VPS4A: variants seen among roughly 807,000 people sequenced by gnomAD.
The protein encoded by VPS4A is vacuolar protein sorting 4 homolog A, also known as vacuolar protein sorting-associated protein 4A.
Under a neutral mutation model 52.3 loss-of-function variants are expected in VPS4A, and 20 were observed. That is an observed-to-expected ratio of 0.38 (90% CI 0.27 to 0.56). VPS4A has a LOEUF of 0.56. Ranked by LOEUF, VPS4A falls within the 20% of genes least tolerant of loss-of-function variation. The probability of loss-of-function intolerance (pLI) is 0.72; values close to 1 mark genes in which losing one functional copy is unlikely to be tolerated. For synonymous variants in VPS4A, 293 were observed against 227.7 expected (o/e 1.29, Z -2.58); for missense variants, 419 against 575.9 (o/e 0.73, Z 2.79).
In VPS4A at chr16:69,320,385, C is replaced by T. The variant is rs114096055; in HGVS notation, c.769+96C>T. 3.9e-6 allele frequency: 6 copies of T among 1,528,570 alleles called. No homozygotes were observed. Among genetic ancestry groups the T allele is most frequent in the South Asian group, 1.2e-5 (1 of 80,366 alleles). The allele number at this position is 1,528,570 out of a possible 1,614,324, so 94.7% of individuals were successfully genotyped here. ...TGCGGCTGGATTTGGTTGTTCTCAGCCTCGGAGAGGCACTCCCCAGCTCCA... is the reference window on the plus strand; with the variant it reads ...TGCGGCTGGATTTGGTTGTTCTCAGTCTCGGAGAGGCACTCCCCAGCTCCA... On this transcript the variant is annotated intron_variant, in intron 7 of 10. Coordinates refer to ENST00000254950, the MANE Select transcript of VPS4A (RefSeq NM_013245.3). This position sits in a 1 kb window ranked among gnomAD's most constrained non-coding sequence, Gnocchi z 4.2.
intron 3 of VPS4A, among the ~76,000 whole-genome samples, chr16:69,318,357 G>T (rs113641354): frequency 1.3e-5 from 2 of 152,298 alleles, no homozygotes; most frequent in African/African-American, 4.8e-5. Context: ...TTTAAGTCCA[G>T]CTGAAGCACA....
rs1015379087 is a variant in VPS4A at position 69,311,353 on chromosome 16, C to T, written c.-159C>T. On this transcript the variant is annotated 5_prime_UTR_variant, in exon 1 of 11. Transcript: ENST00000254950. The stretch of plus-strand genomic sequence containing the variant: ...CTCTGGGCTGCGCTCCTCGCTTGCC[C>T]TCGGACTCGGCTCCCGCTGCGAGCG... 5.1e-4 allele frequency: 394 copies of T among 773,172 alleles called. No homozygotes were observed. The highest frequency in any genetic ancestry group is 6.7e-4 in the Non-Finnish European group (384 of 572,254). The allele number at this position is 773,172 out of a possible 1,614,324, so 47.9% of individuals were successfully genotyped here.
chr16:69,319,484 C>T lies in VPS4A; in HGVS notation c.561C>T (p.Ser187=), dbSNP rs895566649. 3.7e-6 allele frequency: 6 copies of T among 1,614,024 alleles called. No homozygotes were observed. Among genetic ancestry groups the T allele is most frequent in the Non-Finnish European group, 5.1e-6 (6 of 1,179,898 alleles). The change falls in exon 6 of 11, where the codon TCC becomes TCT. Residue 187 remains serine, a synonymous_variant. Coordinates refer to ENST00000254950, the MANE Select transcript of VPS4A (RefSeq NM_013245.3). ...CCGTGGCAACAGAGGCCAACAACTC[C>T]ACCTTCTTCTCTGTGTCCTCCTCAG... ...AKAVATEANN[S]TFFSVSSSDL...
rs567958625 is a variant in VPS4A, at chr16:69,313,175, G to A, written c.21+1643G>A. 1.2e-4 allele frequency among the ~76,000 whole-genome samples: 18 copies of A among 151,778 alleles called. No homozygotes were observed. The South Asian group carries it at 3.7e-3, about 32-fold the overall frequency. On this transcript the variant is annotated intron_variant, in intron 1 of 10. Transcript: ENST00000254950. ...TTTTTGTATTTTTAGTAGAGACGGG[G>A]TTTCACCATGTTGGCCAGGCTGGTT...
Position 69,320,745 on chromosome 16 carries a change from T to C in VPS4A, c.827T>C (p.Val276Ala), listed in dbSNP as rs1965499647. The change falls in exon 8 of 11, where the codon GTG becomes GCG. Residue 276 changes from valine to alanine, a missense_variant. Val to Ala is a moderately conservative substitution (Grantham distance 64). Around this residue, in one of 3 missense-constraint regions of VPS4A, gnomAD observed 103 missense variants for 210.3 expected, o/e 0.49. Coordinates refer to ENST00000254950, the MANE Select transcript of VPS4A (RefSeq NM_013245.3). This position sits in a 1 kb window ranked among gnomAD's most constrained non-coding sequence, Gnocchi z 4.2. ...CTTGGAGCCACAAACATCCCATGGG[T>C]GTTGGATTCGGCCATCAGGAGGAGG... is the stretch of plus-strand genomic sequence containing the variant. ...LVLGATNIPWVLDSAIRRRFE... is the reference protein window; with the variant it reads ...LVLGATNIPWALDSAIRRRFE... The C allele has an allele frequency of 6.2e-7, 1 of 1,608,080 alleles. No homozygotes were observed. The highest frequency in any genetic ancestry group is 8.5e-7 in the Non-Finnish European group (1 of 1,177,440).
At chr16:69,322,920 T>G in intron 10 of VPS4A, 1 of 339,576 alleles carries the variant, frequency 2.9e-6, no homozygotes, top group Non-Finnish European at 5.1e-6. Context: ...ATACAAAAAT[T>G]AGCCGGGTGT....
In VPS4A at chr16:69,326,028, A is replaced by G. The variant is rs985803160; in HGVS notation, c.*1719A>G. On this transcript the variant is annotated 3_prime_UTR_variant, in exon 11 of 11. Coordinates refer to ENST00000254950, the MANE Select transcript of VPS4A (RefSeq NM_013245.3). ...GCAGAGGCTGTCCCACGTTTACCCC[A>G]TGCATATAAACAGACCAAAGTCAAA... The G allele has an allele frequency of 2.0e-5, 3 of 152,336 alleles. No individual in the cohort carries two copies. Among genetic ancestry groups the G allele is most frequent in the Non-Finnish European group, 4.4e-5 (3 of 68,120 alleles). 9.4% of individuals were successfully genotyped at this position (152,336 alleles called of 1,614,324 possible).
intron 5 of VPS4A, 111 bp downstream of exon 5, chr16:69,319,053 G>GGGCCA (rs2143259246): frequency 6.8e-7 from 1 of 1,476,380 alleles, no homozygotes; most frequent in East Asian, 2.3e-5. Context: ...GGCCTGCAGA[G>GGGCCA]GGCCAGGCCT....
rs1167875786 is a variant in VPS4A, at chr16:69,311,822, C to T, written c.21+290C>T. 2.0e-5 allele frequency among the ~76,000 whole-genome samples: 3 copies of T among 152,370 alleles called. No homozygotes were observed. In the South Asian group the frequency reaches 6.2e-4, roughly 32 times the overall value. On this transcript the variant is annotated intron_variant, in intron 1 of 10. Coordinates refer to ENST00000254950, the MANE Select transcript of VPS4A (RefSeq NM_013245.3). ...GTGGGGATCAGCCTCACCCGAGCCG[C>T]ACAGGCACCCTCAGGAAGCTCGGCC...
rs939432132 is a variant in VPS4A, at chr16:69,313,240, C to T, written c.21+1708C>T. Among the ~76,000 whole-genome samples the T allele has an allele frequency of 4.6e-5, 7 of 152,152 alleles. No individual in the cohort carries two copies. The South Asian group carries it at 6.2e-4, about 14-fold the overall frequency. ...TCAAGTGTGATCTGCCCACCTCGGC[C>T]GCCCAAAGTGCTGGGATTACAGATG... On this transcript the variant is annotated intron_variant, in intron 1 of 10. Transcript: ENST00000254950.
chr16:69,311,749 T>C (rs937774382), intron 1 of VPS4A, among the ~76,000 whole-genome samples: 1 of 152,168 alleles, frequency 6.6e-6, no homozygotes, highest in African/African-American at 2.4e-5. Flanking sequence ...CCTGCCCGGC[T>C]GGCCCAGCCC....
In VPS4A at chr16:69,321,603, C is replaced by T. The variant is rs11647864; in HGVS notation, c.1071+333C>T. On this transcript the variant is annotated intron_variant, in intron 9 of 10. Transcript: ENST00000254950. This position sits in a 1 kb window ranked among gnomAD's most constrained non-coding sequence, Gnocchi z 4.5. Reference sequence around the variant, plus strand: ...TTGGAAAGTGTTGGATATAAAATGACCAGGAAGACCTGTCTATTCATTCAG... The same window carrying T: ...TTGGAAAGTGTTGGATATAAAATGATCAGGAAGACCTGTCTATTCATTCAG... 0.055 allele frequency: 18,406 copies of T among 333,018 alleles called. 681 individuals carry two copies. Among genetic ancestry groups the T allele is most frequent in the Non-Finnish European group, 0.071 (12,532 of 175,344 alleles). 20.6% of individuals were successfully genotyped at this position (333,018 alleles called of 1,614,324 possible).
chr16:69,311,573 A>AGCGGGGCCT, intron 1 of VPS4A, 41 bp downstream of exon 1: 2 of 1,273,914 alleles, frequency 1.6e-6, no homozygotes, highest in East Asian at 6.6e-5. Flanking sequence ...GGCCGAAGGC[A>AGCGGGGCCT]GCGGGGCCTG....
rs757962021 is a variant in VPS4A at position 69,316,189 on chromosome 16, A to T, written c.134-36A>T. 6.8e-6 allele frequency: 11 copies of T among 1,612,622 alleles called. No homozygotes were observed. The African/African-American group carries it at 1.5e-4, about 22-fold the overall frequency. The stretch of plus-strand genomic sequence containing the variant: ...AGCGGAGGAGAGGGGGTGGCGCACG[A>T]GCCTCACAGGGGCCCCTCTGTGTTC... On this transcript the variant is annotated intron_variant, in intron 2 of 10. Transcript: ENST00000254950.
intron 1 of VPS4A, among the ~76,000 whole-genome samples, chr16:69,314,130 T>C (rs1026351018): frequency 6.6e-5 from 10 of 151,824 alleles, no homozygotes; most frequent in African/African-American, 2.4e-4. Flanking sequence ...CACACCCGGC[T>C]AACTTTTTGT....
At chr16:69,323,590 C>T (rs1337356283) in intron 10 of VPS4A, 1 of 455,228 alleles carries the variant, frequency 2.2e-6, no homozygotes, top group East Asian at 7.0e-5. Flanking sequence ...GCCTCACCTG[C>T]ATAGCCTGGC....
chr16:69,311,699 C>G (rs576816128), intron 1 of VPS4A, among the ~76,000 whole-genome samples, 167 bp downstream of exon 1: 3 of 152,070 alleles, frequency 2.0e-5, no homozygotes, highest in Non-Finnish European at 4.4e-5. Flanking sequence ...TTTCCACGCG[C>G]TCGGAGCCGG....
chr16:69,319,779 T>A lies in VPS4A; in HGVS notation c.620+236T>A, dbSNP rs78720368. ...AGAGAAGGGAAAGGAAGTGAGGATA[T>A]TTTTGGGGTCTGGGTTGCGGTCCCT... On this transcript the variant is annotated intron_variant, in intron 6 of 10. Coordinates refer to ENST00000254950, the MANE Select transcript of VPS4A (RefSeq NM_013245.3). Among the ~76,000 whole-genome samples the A allele has an allele frequency of 5.9e-4, 90 of 152,148 alleles. No homozygotes were observed. The East Asian group carries it at 0.016, about 27-fold the overall frequency.
At chr16:69,318,157 TAG>T (rs1001795299) in intron 3 of VPS4A, among the ~76,000 whole-genome samples, 7 of 152,144 alleles carry the variant, frequency 4.6e-5, no homozygotes, top group African/African-American at 9.7e-5. Context: ...GTGTTTTTTG[TAG>T]AGACAAGATC....
Sources: allele counts gnomAD v4.1 joint callset (sites outside exome capture counted in the v4.1 genomes callset), GRCh38; gene constraint gnomAD v4.1.1; regional missense constraint gnomAD v4.1.1; non-coding constraint Gnocchi (gnomAD v3.1); transcripts MANE v1.5; gene names NCBI Gene and HGNC (gene_info 2026-07-23, HGNC 2026-07-21).